The following DNAH9 variants were observed in gnomAD, a reference collection of about 807,000 sequenced individuals.
DNAH9 encodes DNAH9 variant protein.
Under a neutral mutation model 471.6 loss-of-function variants are expected in DNAH9, and 345 were observed. That is an observed-to-expected ratio of 0.73 (90% CI 0.67 to 0.80). DNAH9 has a LOEUF of 0.80. DNAH9 is among the 30% of genes least tolerant of loss of function. The pLI, the probability that DNAH9 is intolerant of heterozygous loss-of-function variation, is 0.00. For synonymous variants in DNAH9, 2,093 were observed against 2,123.6 expected, an observed-to-expected ratio of 0.99 and a Z score of 0.40; for missense variants, 5,407 against 5,609.2, an observed-to-expected ratio of 0.96 and a Z score of 1.15.
intron 56 of DNAH9, among the ~76,000 whole-genome samples, chr17:11,886,259 G>T (rs1467376363): frequency 6.6e-6 from 1 of 152,202 alleles, no homozygotes; most frequent in African/African-American, 2.4e-5. Flanking sequence ...AGGAGGCGGA[G>T]GTTGCAGTGA....
chr17:11,844,415 C>T (rs1409716400), intron 49 of DNAH9, among the ~76,000 whole-genome samples: 5 of 151,942 alleles, frequency 3.3e-5, no homozygotes, highest in African/African-American at 1.2e-4. Flanking sequence ...CCTTTGAAGC[C>T]ACATCATGGT....
chr17:11,877,205 G>A (rs866445993), intron 53 of DNAH9, among the ~76,000 whole-genome samples: 1 of 151,516 alleles, frequency 6.6e-6, no homozygotes. Context: ...GGGCGCAGTG[G>A]CTCGAGCCTG....
chr17:11,805,797 C>T (rs541032709), intron 43 of DNAH9, among the ~76,000 whole-genome samples: 20 of 152,204 alleles, frequency 1.3e-4, no homozygotes, highest in Admixed American at 7.8e-4. Context: ...AGGTGATCCC[C>T]CCACCTTGGC....
At chr17:11,898,531 T>G (rs1231914313) in intron 59 of DNAH9, among the ~76,000 whole-genome samples, 2 of 152,224 alleles carry the variant, frequency 1.3e-5, no homozygotes, top group African/African-American at 4.8e-5. Context: ...AAGGTCACAT[T>G]CACAAGTCCA....
chr17:11,757,524 C>A (rs1035307146), intron 34 of DNAH9, 21 bp from the exon 35 acceptor site: 22 of 1,603,156 alleles, frequency 1.4e-5, no homozygotes, highest in Non-Finnish European at 1.7e-5. Flanking sequence ...ATTCACTAAA[C>A]TGTATTCTCT....
At chr17:11,801,956 C>T (rs529476375) in intron 43 of DNAH9, among the ~76,000 whole-genome samples, 6 of 152,174 alleles carry the variant, frequency 3.9e-5, no homozygotes, top group African/African-American at 9.6e-5. Flanking sequence ...TAAACAAACT[C>T]TGAAGTTAGT....
At chr17:11,742,435 C>G in intron 30 of DNAH9, 122 bp downstream of exon 30, 1 of 969,924 alleles carries the variant, frequency 1.0e-6, no homozygotes. Context: ...TCACTGTACC[C>G]ATAAGCATGT....
intron 14 of DNAH9, among the ~76,000 whole-genome samples, chr17:11,653,513 CTT>C (rs1357181541): frequency 6.6e-6 from 1 of 152,182 alleles, no homozygotes; most frequent in Non-Finnish European, 1.5e-5. Flanking sequence ...GTCAGGGAAA[CTT>C]TACGTCCCAT....
chr17:11,605,023 C>T (rs2072469648), intron 1 of DNAH9, among the ~76,000 whole-genome samples: 1 of 152,186 alleles, frequency 6.6e-6, no homozygotes, highest in South Asian at 2.1e-4. Flanking sequence ...TGTGAATTGA[C>T]TCCCTTTACT....
At chr17:11,739,726 G>T (rs2075404532) in intron 29 of DNAH9, among the ~76,000 whole-genome samples, 1 of 152,050 alleles carries the variant, frequency 6.6e-6, no homozygotes. Context: ...TCTTTATTTT[G>T]ATAAGAAAAC....
rs2075443536 is a variant in DNAH9, at chr17:11,742,249, C to T, written c.6047C>T (p.Ala2016Val). Residue 2016 changes from alanine (A) to valine (V), a missense_variant, in exon 30 of 69, where the codon GCC (alanine) becomes GTC (valine). Physicochemically the swap from Ala to Val is moderately conservative, Grantham distance 64. This residue lies in a region of DNAH9 where 4,636 missense variants were observed against 4,900.3 expected (regional missense o/e 0.95). Coordinates refer to ENST00000262442, the MANE Select transcript of DNAH9 (RefSeq NM_001372.4). ...IMLVAEGFIE[A>V]QSLARKFITL... ...CTGGTGGCAGAAGGATTCATTGAAG[C>T]CCAGTCATTAGCCAGAAAGTTCATC... 7 of 1,613,936 alleles carry T rather than the reference C, an allele frequency of 4.3e-6. No individual in the cohort carries two copies. In the South Asian group the frequency reaches 4.4e-5, roughly 10 times the overall value.
intron 14 of DNAH9, among the ~76,000 whole-genome samples, chr17:11,661,403 T>C (rs1225368483): frequency 6.6e-6 from 1 of 152,178 alleles, no homozygotes; most frequent in African/African-American, 2.4e-5. Flanking sequence ...TTGGAATGCA[T>C]AGACTGTTTA....
At chr17:11,916,573 C>T (rs1429572069) in intron 61 of DNAH9, among the ~76,000 whole-genome samples, 2 of 152,236 alleles carry the variant, frequency 1.3e-5, no homozygotes, top group East Asian at 3.8e-4. Context: ...CTGATCTAAA[C>T]ATTTTCCCCA....
intron 32 of DNAH9, among the ~76,000 whole-genome samples, chr17:11,750,878 C>T (rs1052686987): frequency 2.2e-4 from 33 of 151,666 alleles, no homozygotes; most frequent in Admixed American, 5.3e-4. Flanking sequence ...AAGAAAATGA[C>T]GGAAAAGGAA....
intron 26 of DNAH9, among the ~76,000 whole-genome samples, chr17:11,707,364 C>T (rs1439038815): frequency 6.6e-6 from 1 of 152,066 alleles, no homozygotes; most frequent in Non-Finnish European, 1.5e-5. Context: ...TAGTCAAATC[C>T]TCAAATATAT....
At chr17:11,812,661 C>T (rs985338489) in intron 45 of DNAH9, among the ~76,000 whole-genome samples, 11 of 152,146 alleles carry the variant, frequency 7.2e-5, no homozygotes, top group South Asian at 4.2e-4. Context: ...TGGCTGCTAG[C>T]CTTGCACTCA....
At chr17:11,898,124 T>C (rs1973276949) in intron 59 of DNAH9, among the ~76,000 whole-genome samples, 1 of 95,624 alleles carries the variant, frequency 1.0e-5, no homozygotes, top group Admixed American at 1.3e-4. Context: ...CTTCTTTCTT[T>C]TCCTTTTCTT....
At chr17:11,881,559 A>C in intron 55 of DNAH9, 146 bp downstream of exon 55, 1 of 732,234 alleles carries the variant, frequency 1.4e-6, no homozygotes, top group Non-Finnish European at 2.2e-6. Context: ...CCATGTAGCA[A>C]CCTGGGAATA....
intron 62 of DNAH9, among the ~76,000 whole-genome samples, chr17:11,926,751 A>C (rs1974343938): frequency 6.6e-6 from 1 of 152,266 alleles, no homozygotes; most frequent in Admixed American, 6.5e-5. Flanking sequence ...AAAATGATTT[A>C]TATTCCTTTG....
Sources: gnomAD v4.1 joint callset for allele counts (sites outside exome capture counted in the v4.1 genomes callset) on GRCh38, gnomAD v4.1.1 for gene constraint, gnomAD v4.1.1 regional missense constraint, MANE v1.5 for transcripts, NCBI Gene and HGNC (gene_info 2026-07-23, HGNC 2026-07-21) for gene names.